MICU1: variants seen among roughly 807,000 people sequenced by gnomAD.
The protein encoded by MICU1 is calcium uptake protein 1, mitochondrial.
MICU1 carries 45 observed loss-of-function variants against 56.8 expected under a neutral mutation model. The ratio of observed to expected loss-of-function variants is 0.79; its 90% CI spans 0.62 to 1.02. The LOEUF is 1.02. Among genes scored for constraint, MICU1 ranks in the 50% least tolerant of loss-of-function variants. The pLI is 0.00. For missense variants in MICU1, 504 were observed against 587.1 expected (o/e 0.86, Z 1.46); for synonymous variants, 186 against 195.1 (o/e 0.95, Z 0.39).
chr10:72,469,666 A>T (rs185503488), intron 8 of MICU1, among the ~76,000 whole-genome samples: 51 of 152,332 alleles, frequency 3.3e-4, no homozygotes, highest in Non-Finnish European at 5.4e-4. Flanking sequence ...GAACACACTT[A>T]TTAAAGGCAC....
At chr10:72,537,801 T>C (rs564153629) in intron 4 of MICU1, among the ~76,000 whole-genome samples, 1 of 152,264 alleles carries the variant, frequency 6.6e-6, no homozygotes, top group African/African-American at 2.4e-5. Flanking sequence ...CTGTTAAGAA[T>C]AGTCTCAGTT....
chr10:72,475,544 T>C (rs1335656656), intron 7 of MICU1, among the ~76,000 whole-genome samples: 2 of 151,898 alleles, frequency 1.3e-5, no homozygotes, highest in Non-Finnish European at 2.9e-5. Flanking sequence ...TTCTCATGCC[T>C]CAGCCTCCTG....
At chr10:72,623,089 T>C (rs1842141883) in intron 1 of MICU1, among the ~76,000 whole-genome samples, 1 of 151,282 alleles carries the variant, frequency 6.6e-6, no homozygotes, top group Non-Finnish European at 1.5e-5. Context: ...GCCAACATAG[T>C]AAAACCCCAT....
chr10:72,499,127 C>A (rs1210469222), intron 6 of MICU1, among the ~76,000 whole-genome samples: 1 of 152,174 alleles, frequency 6.6e-6, no homozygotes, highest in Non-Finnish European at 1.5e-5. Context: ...AAGATACAGT[C>A]AAAATACATT....
intron 10 of MICU1, among the ~76,000 whole-genome samples, chr10:72,398,723 C>T (rs908631072): frequency 9.2e-5 from 14 of 151,930 alleles, no homozygotes; most frequent in African/African-American, 3.4e-4. Flanking sequence ...ACACATACAC[C>T]CTCCCAAGAC....
intron 6 of MICU1, among the ~76,000 whole-genome samples, chr10:72,499,049 A>C (rs1866944126): frequency 6.6e-6 from 1 of 152,190 alleles, no homozygotes. Flanking sequence ...GGACTGATTC[A>C]AATAAAATAC....
chr10:72,382,498 G>C (rs777256789), intron 10 of MICU1, among the ~76,000 whole-genome samples: 1 of 152,178 alleles, frequency 6.6e-6, no homozygotes, highest in African/African-American at 2.4e-5. Context: ...TTTGAATACA[G>C]TATTAAAAGC....
chr10:72,530,816 T>C (rs1277608247), intron 5 of MICU1, among the ~76,000 whole-genome samples: 2 of 152,076 alleles, frequency 1.3e-5, no homozygotes, highest in Non-Finnish European at 2.9e-5. Context: ...TCTTATTTAC[T>C]TCTTACAGGG....
chr10:72,371,553 G>A (rs1564832233), intron 11 of MICU1, among the ~76,000 whole-genome samples: 1 of 151,110 alleles, frequency 6.6e-6, no homozygotes, highest in Non-Finnish European at 1.5e-5. Flanking sequence ...GACCAGCCTG[G>A]CCAACATGGT....
chr10:72,520,561 G>T (rs552656069), intron 5 of MICU1, among the ~76,000 whole-genome samples: 3 of 152,202 alleles, frequency 2.0e-5, no homozygotes, highest in African/African-American at 7.2e-5. Context: ...GAAGGTGAAT[G>T]CTTAAGATAC....
At chr10:72,486,470 TTTTTG>T (rs1239890979) in intron 6 of MICU1, among the ~76,000 whole-genome samples, 1 of 152,142 alleles carries the variant, frequency 6.6e-6, no homozygotes, top group East Asian at 1.9e-4. Flanking sequence ...TCAATTTGTT[TTTTTG>T]TTTTGTTTTG....
intron 8 of MICU1, among the ~76,000 whole-genome samples, chr10:72,442,364 G>A (rs1589224281): frequency 1.3e-5 from 2 of 151,894 alleles, no homozygotes; most frequent in South Asian, 2.1e-4. Context: ...GGCTGGTCTT[G>A]AACTCCTGAC....
chr10:72,522,791 C>G (rs546478693), intron 5 of MICU1, among the ~76,000 whole-genome samples: 1 of 152,154 alleles, frequency 6.6e-6, no homozygotes, highest in Non-Finnish European at 1.5e-5. Flanking sequence ...TACAAAGTAA[C>G]TGTTCATTGA....
At chr10:72,577,114 A>G (rs1840766859) in intron 1 of MICU1, among the ~76,000 whole-genome samples, 1 of 152,114 alleles carries the variant, frequency 6.6e-6, no homozygotes, top group Non-Finnish European at 1.5e-5. Context: ...GTTCTCACTA[A>G]TAAGTGGGAG....
At chr10:72,406,313 C>T (rs927686494) in intron 10 of MICU1, among the ~76,000 whole-genome samples, 8 of 152,010 alleles carry the variant, frequency 5.3e-5, no homozygotes, top group African/African-American at 1.9e-4. Flanking sequence ...TATAAGACCA[C>T]TGCTGAGAGA....
chr10:72,375,230 C>G (rs1042284123), intron 11 of MICU1, among the ~76,000 whole-genome samples: 1 of 152,094 alleles, frequency 6.6e-6, no homozygotes, highest in Non-Finnish European at 1.5e-5. Context: ...GTGTAAGCAT[C>G]CGTTGTTATT....
intron 8 of MICU1, chr10:72,467,849 G>A (rs1339024755): frequency 3.5e-5 from 5 of 143,940 alleles, no homozygotes; most frequent in African/African-American, 7.8e-5. Context: ...ACAGAGTTTC[G>A]CTCTTGTCGC....
chr10:72,603,711 G>A (rs1841607910), intron 1 of MICU1, among the ~76,000 whole-genome samples: 1 of 152,076 alleles, frequency 6.6e-6, no homozygotes, highest in South Asian at 2.1e-4. Context: ...GGCTGAGGCA[G>A]AAGAATCACT....
intron 3 of MICU1, among the ~76,000 whole-genome samples, chr10:72,555,034 A>C (rs547608221): frequency 1.3e-5 from 2 of 152,166 alleles, no homozygotes; most frequent in East Asian, 3.9e-4. Context: ...CAAAACATAC[A>C]AAAAAACCCA....
Sources: gnomAD v4.1 joint callset for allele counts (sites outside exome capture counted in the v4.1 genomes callset) on GRCh38, gnomAD v4.1.1 for gene constraint, MANE v1.5 for transcripts, NCBI Gene and HGNC (gene_info 2026-07-23, HGNC 2026-07-21) for gene names.